The following FBXO24 variants were observed in gnomAD, a reference collection of about 807,000 sequenced individuals.
FBXO24 encodes the protein F-box only protein 24.
Under a neutral mutation model 63.5 loss-of-function variants are expected in FBXO24, and 30 were observed. That is an observed-to-expected ratio of 0.47 (90% confidence interval 0.35 to 0.64). FBXO24 has a LOEUF of 0.64. FBXO24 is among the 30% of genes least tolerant of loss of function. The pLI is 0.00. For missense variants in FBXO24, 624 were observed against 763.4 expected, an observed-to-expected ratio of 0.82 and a Z score of 2.15; for synonymous variants, 300 against 305.0, an observed-to-expected ratio of 0.98 and a Z score of 0.17.
intron 1 of FBXO24, among the ~76,000 whole-genome samples, chr7:100,589,227 C>T (rs1801883988): frequency 6.6e-6 from 1 of 152,216 alleles, no homozygotes; most frequent in South Asian, 2.1e-4. Context: ...CTCTCCATCT[C>T]ACCTGTCAAA....
chr7:100,588,581 C>G (rs58509206), intron 1 of FBXO24, among the ~76,000 whole-genome samples: 12,370 of 152,140 alleles, frequency 0.081, 559 homozygotes, highest in African/African-American at 0.12. Flanking sequence ...TCCTTTGAGC[C>G]CCTGCAAGAG....
Position 100,592,838 on chromosome 7 carries a change from C to T in FBXO24, c.614C>T (p.Ala205Val). The T allele has an allele frequency of 6.2e-6, 10 of 1,614,180 alleles. No homozygotes were observed. Among genetic ancestry groups the T allele is most frequent in the Non-Finnish European group, 8.5e-6 (10 of 1,180,034 alleles). The change falls in exon 5 of 10, where the codon GCC becomes GTC. Residue 205 changes from alanine (A) to valine (V), a missense_variant. By Grantham distance (64) the Ala-to-Val change is moderately conservative. Transcript: ENST00000241071. ...TACCGTAAATACCTCTACGTCTTGG[C>T]CACTCGGGAGCCGCAGGAAGTGGTG... ...TVYRKYLYVL[A>V]TREPQEVVGT...
rs755920399 is a variant in FBXO24 at position 100,600,490 on chromosome 7, G to A, written c.1378-44G>A. 4 of 1,522,284 alleles carry A rather than the reference G, an allele frequency of 2.6e-6. No individual in the cohort carries two copies. The highest frequency in any genetic ancestry group is 2.8e-5 in the African/African-American group (2 of 71,792). 94.3% of individuals were successfully genotyped at this position (1,522,284 alleles called of 1,614,324 possible). ...CCGGGCACCCTGGGAAACCCTGCAA[G>A]GAAAGCACCACTCAGCCATGCCCCC... On this transcript the variant is annotated intron_variant, in intron 9 of 9. Coordinates refer to ENST00000241071, the MANE Select transcript of FBXO24 (RefSeq NM_033506.3). This position sits in a 1 kb window ranked among gnomAD's most constrained non-coding sequence, Gnocchi z 6.3.
chr7:100,591,369 G>T (rs1802017951), intron 3 of FBXO24, among the ~76,000 whole-genome samples: 3 of 152,126 alleles, frequency 2.0e-5, no homozygotes, highest in Admixed American at 1.3e-4. Flanking sequence ...CGCAGCCTCT[G>T]TGTCTTTATT....
chr7:100,595,457 AAT>A, intron 7 of FBXO24, 116 bp from the exon 8 acceptor site: 22 of 1,322,158 alleles, frequency 1.7e-5, no homozygotes, highest in Non-Finnish European at 2.0e-5. Flanking sequence ...CCATCTCTAA[AAT>A]ATATATATAG....
intron 7 of FBXO24, 65 bp from the exon 8 acceptor site, chr7:100,595,510 C>T (rs2131272343): frequency 2.0e-6 from 3 of 1,510,636 alleles, no homozygotes; most frequent in Admixed American, 2.2e-5. Context: ...GGCTTGGAGA[C>T]TCTGGAACTC....
rs201242836 is a variant in FBXO24, at chr7:100,591,642, C to G, written c.323-25C>G. On this transcript the variant is annotated intron_variant, in intron 3 of 9. Transcript: ENST00000241071. ...CCCTCGTGTCATCTCATCCCTTGAA[C>G]CTTCCATCTCCTTCCTTCCTCCAGA... The G allele has an allele frequency of 6.9e-4, 1,110 of 1,607,732 alleles. 2 individuals are homozygous for G. Among genetic ancestry groups the G allele is most frequent in the Non-Finnish European group, 8.7e-4 (1,016 of 1,174,226 alleles).
At chr7:100,590,150 C>T (rs376938195) in intron 2 of FBXO24, 24 bp from the exon 3 acceptor site, 5 of 1,610,246 alleles carry the variant, frequency 3.1e-6, no homozygotes, top group Admixed American at 1.7e-5. Flanking sequence ...AAAGACTCCC[C>T]GCTTCTTCCC....
chr7:100,599,968 C>T, intron 8 of FBXO24, 63 bp from the exon 9 acceptor site: 3 of 1,158,950 alleles, frequency 2.6e-6, no homozygotes, highest in Non-Finnish European at 2.5e-6. Context: ...TCAACCTTTT[C>T]CCACCCCAGC....
At chr7:100,591,600 C>T in intron 3 of FBXO24, 67 bp from the exon 4 acceptor site, 1 of 1,484,560 alleles carries the variant, frequency 6.7e-7, no homozygotes, top group South Asian at 1.2e-5. Context: ...GAAATCTACC[C>T]AAGCTCCAAC....
At chr7:100,587,993 C>T (rs1801836658) in intron 1 of FBXO24, among the ~76,000 whole-genome samples, 1 of 152,084 alleles carries the variant, frequency 6.6e-6, no homozygotes, top group Non-Finnish European at 1.5e-5. Context: ...CCTCAACCTC[C>T]CACCTCAGCC....
Position 100,590,026 on chromosome 7 carries a change from A to C in FBXO24, c.89A>C (p.Lys30Thr). The C allele has an allele frequency of 6.2e-7, 1 of 1,613,764 alleles. No individual in the cohort carries two copies. The highest frequency in any genetic ancestry group is 1.1e-5 in the South Asian group (1 of 91,000). The change falls in exon 2 of 10, where the codon AAG (lysine) becomes ACG (threonine). Residue 30 changes from lysine to threonine, a missense_variant. Transcript: ENST00000241071. ...SCGSELGVEE[K>T]RGKGNPISIQ... ...GGCTCGGAGCTTGGGGTTGAAGAGA[A>C]GAGGGGGAAAGGAAATCCGATTTCC...
In FBXO24 at chr7:100,600,461, T is replaced by C. The variant is rs1802542528; in HGVS notation, c.1378-73T>C. Reference sequence around the variant, plus strand: ...AGAGGGAAGAATGCAATAGGCAGATTAGCCCGGGCACCCTGGGAAACCCTG... The same window carrying C: ...AGAGGGAAGAATGCAATAGGCAGATCAGCCCGGGCACCCTGGGAAACCCTG... On this transcript the variant is annotated intron_variant, in intron 9 of 9. Transcript: ENST00000241071. The surrounding 1 kb of genome is among the most constrained non-coding windows in gnomAD (Gnocchi z 6.3). 1 of 1,519,586 alleles carries C rather than the reference T, an allele frequency of 6.6e-7. No individual in the cohort carries two copies. The highest frequency in any genetic ancestry group is 2.2e-5 in the Admixed American group (1 of 44,562). 94.1% of individuals were successfully genotyped at this position (1,519,586 alleles called of 1,614,324 possible). A position where few individuals can be genotyped will look rare whatever the true frequency, so the allele number is the denominator to read the frequency against.
At chr7:100,589,792 G>A (rs1416162880) in intron 1 of FBXO24, 185 bp from the exon 2 acceptor site, 7 of 1,524,592 alleles carry the variant, frequency 4.6e-6, no homozygotes, top group East Asian at 4.9e-5. Flanking sequence ...GAGGGGCTCC[G>A]GGTGAGGGGG....
In FBXO24 at chr7:100,594,989, A is replaced by G. The variant is rs1368261614; in HGVS notation, c.953-113A>G. On this transcript the variant is annotated intron_variant, in intron 6 of 9. Coordinates refer to ENST00000241071, the MANE Select transcript of FBXO24 (RefSeq NM_033506.3). The surrounding 1 kb of genome is among the most constrained non-coding windows in gnomAD (Gnocchi z 4.2). ...AGTTCCCAGGCATCATAGTTGATGC[A>G]TTCCTAGTGGGTATGAGACTCCTTG... is the stretch of plus-strand genomic sequence containing the variant. 30 of 1,420,454 alleles carry G rather than the reference A, an allele frequency of 2.1e-5. No individual in the cohort carries two copies. Among genetic ancestry groups the G allele is most frequent in the Admixed American group, 2.1e-5 (1 of 46,882 alleles). The allele number at this position is 1,420,454 out of a possible 1,614,324, so 88.0% of individuals were successfully genotyped here.
At chr7:100,598,825 A>G (rs527444620) in intron 8 of FBXO24, among the ~76,000 whole-genome samples, 80 of 152,152 alleles carry the variant, frequency 5.3e-4, no homozygotes, top group Non-Finnish European at 1.1e-3. Context: ...AAAATACAAA[A>G]GAAATTAGCC....
intron 4 of FBXO24, chr7:100,592,313 T>C (rs140912744): frequency 1.1e-3 from 266 of 250,748 alleles, no homozygotes; most frequent in Non-Finnish European, 1.4e-3. Context: ...AGAGGTTTAA[T>C]TGACTCATAG....
rs563719782 is a variant in FBXO24 at position 100,590,300 on chromosome 7, C to T, written c.265C>T (p.Arg89Cys). The change falls in exon 3 of 10, where the codon CGC becomes TGC. Residue 89 changes from arginine to cysteine, a missense_variant. By Grantham distance (180) the Arg-to-Cys change is radical. Transcript: ENST00000241071. ...WRRICRRLSP[R>C]LQDQGSGVRP... is the part of the protein sequence containing the mutation. The stretch of plus-strand genomic sequence containing the variant: ...ACGCATCTGTCGCAGACTCAGTCCG[C>T]GCCTCCAAGATCAGGGTTCTGGAGT... The T allele has an allele frequency of 1.4e-5, 23 of 1,614,132 alleles. No homozygotes were observed. The highest frequency in any genetic ancestry group is 2.7e-5 in the African/African-American group (2 of 75,026).
At chr7:100,591,546 C>T in intron 3 of FBXO24, 121 bp from the exon 4 acceptor site, 3 of 817,438 alleles carry the variant, frequency 3.7e-6, no homozygotes, top group Admixed American at 2.3e-5. Context: ...CTGTTTGTTC[C>T]CCTGTCCTGG....
Sources: allele counts gnomAD v4.1 joint callset (sites outside exome capture counted in the v4.1 genomes callset), GRCh38; gene constraint gnomAD v4.1.1; non-coding constraint Gnocchi (gnomAD v3.1); transcripts MANE v1.5; gene names NCBI Gene and HGNC (gene_info 2026-07-23, HGNC 2026-07-21).